The following CLSTN3 variants were observed in gnomAD, a reference collection of about 807,000 sequenced individuals.
CLSTN3 encodes calsyntenin 3.
Under a neutral mutation model 95.9 loss-of-function variants are expected in CLSTN3, and 36 were observed. That is an observed-to-expected ratio of 0.38 (90% CI 0.29 to 0.50). CLSTN3 has a LOEUF of 0.50. CLSTN3 is among the 20% of genes least tolerant of loss of function. The pLI is 0.95. For synonymous variants in CLSTN3, 481 were observed against 504.0 expected, an observed-to-expected ratio of 0.95 and a Z score of 0.61; for missense variants, 1,084 against 1,268.8, an observed-to-expected ratio of 0.85 and a Z score of 2.21.
chr12:7,156,442 T>C, intron 16 of CLSTN3: 1 of 456,958 alleles, frequency 2.2e-6, no homozygotes, highest in Non-Finnish European at 4.4e-6. Context: ...TTCAGGGGGT[T>C]GCCTGGTCTG....
At chr12:7,145,114 G>C (rs1397999421) in intron 12 of CLSTN3, among the ~76,000 whole-genome samples, 1 of 152,200 alleles carries the variant, frequency 6.6e-6, no homozygotes, top group Non-Finnish European at 1.5e-5. Context: ...GTTCCTGCGG[G>C]GGGAGGAGTT....
At chr12:7,156,658 C>T (rs1401821683) in intron 16 of CLSTN3, 2 of 456,852 alleles carry the variant, frequency 4.4e-6, no homozygotes, top group Non-Finnish European at 8.8e-6. Flanking sequence ...TCTTCCTGAG[C>T]ATGTACCTGT....
chr12:7,157,877 T>G lies in CLSTN3; in HGVS notation c.2731-64T>G, dbSNP rs746187316. On this transcript the variant is annotated intron_variant, in intron 17 of 17. Coordinates refer to ENST00000266546, the MANE Select transcript of CLSTN3 (RefSeq NM_014718.4). This position sits in a 1 kb window ranked among gnomAD's most constrained non-coding sequence, Gnocchi z 5.9. ...AGGGGACCGAGGGAAGTGTGGTCCC[T>G]GAAAGAGAGGCTGGGATGTGTGCAG... 2.0e-5 allele frequency: 31 copies of G among 1,540,976 alleles called. No individual in the cohort carries two copies. Among genetic ancestry groups the G allele is most frequent in the Non-Finnish European group, 2.6e-5 (30 of 1,144,974 alleles).
chr12:7,130,368 G>A, upstream of CLSTN3: 1 of 1,365,178 alleles, frequency 7.3e-7, no homozygotes, highest in Non-Finnish European at 9.5e-7. Flanking sequence ...CTGTGCTGAC[G>A]TCATCCTGCA....
chr12:7,137,977 G>T lies in CLSTN3; in HGVS notation c.1233G>T (p.Ser411=), dbSNP rs143159646. Residue 411 remains serine (S), a synonymous_variant, in exon 8 of 18, where the codon TCG becomes TCT. Coordinates refer to ENST00000266546, the MANE Select transcript of CLSTN3 (RefSeq NM_014718.4). The surrounding 1 kb of genome is among the most constrained non-coding windows in gnomAD (Gnocchi z 4.4). ...CAGAGGACGGCTTCTCTCACTACTC[G>T]CTGACTGTCCACGGCTGTAGGATTG... is the stretch of plus-strand genomic sequence containing the variant. ...VQNEDGFSHY[S]LTVHGCRIAF... is the part of the protein sequence containing the mutation. The T allele has an allele frequency of 6.2e-7, 1 of 1,613,452 alleles. No individual in the cohort carries two copies. The highest frequency in any genetic ancestry group is 1.3e-5 in the African/African-American group (1 of 74,780).
At position 7,133,737 on chromosome 12, in the gene CLSTN3, C is replaced by G; in HGVS notation, c.352C>G (p.Pro118Ala). 1 of 1,591,436 alleles carries G rather than the reference C, an allele frequency of 6.3e-7. No individual in the cohort carries two copies. Residue 118 changes from proline to alanine, a missense_variant, in exon 3 of 18, where the codon CCC becomes GCC. Pro to Ala is a conservative substitution (Grantham distance 27). Coordinates refer to ENST00000266546, the MANE Select transcript of CLSTN3 (RefSeq NM_014718.4). This position sits in a 1 kb window ranked among gnomAD's most constrained non-coding sequence, Gnocchi z 4.7. ...TIQAYDCGEG[P>A]DGANTKKSHK... is the part of the protein sequence containing the mutation. ...CCAGGCCTATGACTGTGGCGAGGGC[C>G]CCGACGGGGCCAACACCAAGAAGTC... is the stretch of plus-strand genomic sequence containing the variant.
In CLSTN3 at chr12:7,142,145, C is replaced by A; in HGVS notation, c.1540+6C>A. On this transcript the variant is annotated splice_donor_region_variant and intron_variant, in intron 10 of 17. Coordinates refer to ENST00000266546, the MANE Select transcript of CLSTN3 (RefSeq NM_014718.4). ...CAGTACAGACACCACCCAAGGTACT[C>A]CGTGTGTAAGAACTGGAGACCAGAG... 6.2e-7 allele frequency: 1 copy of A among 1,606,966 alleles called. No homozygotes were observed. Among genetic ancestry groups the A allele is most frequent in the Non-Finnish European group, 8.5e-7 (1 of 1,174,310 alleles).
rs755479765 is a variant in CLSTN3, at chr12:7,133,642, C to T, written c.257C>T (p.Thr86Ile). The change falls in exon 3 of 18, where the codon ACA becomes ATA. Residue 86 changes from threonine (T) to isoleucine (I), a missense_variant. Coordinates refer to ENST00000266546, the MANE Select transcript of CLSTN3 (RefSeq NM_014718.4). The surrounding 1 kb of genome is among the most constrained non-coding windows in gnomAD (Gnocchi z 4.7). ...PFEAVILDKA[T>I]GEGLIRAKEP... is the part of the protein sequence containing the mutation. ...GAGGCTGTGATCCTTGACAAGGCGA[C>T]AGGAGAGGGGCTGATCCGGGCCAAG... 5 of 1,613,996 alleles carry T rather than the reference C, an allele frequency of 3.1e-6. No homozygotes were observed. Among genetic ancestry groups the T allele is most frequent in the African/African-American group, 1.3e-5 (1 of 74,900 alleles).
At chr12:7,129,522 T>C, upstream of CLSTN3, 2 of 752,910 alleles carry the variant, frequency 2.7e-6, no homozygotes, top group Non-Finnish European at 3.2e-6. This position sits in a 1 kb window ranked among gnomAD's most constrained non-coding sequence, Gnocchi z 5.5. Flanking sequence ...TTGGCTATTC[T>C]GGAGAATTTT....
At position 7,150,881 on chromosome 12, in the gene CLSTN3, G is replaced by T; in HGVS notation, c.2392-47G>T. On this transcript the variant is annotated intron_variant, in intron 15 of 17. Coordinates refer to ENST00000266546, the MANE Select transcript of CLSTN3 (RefSeq NM_014718.4). This position sits in a 1 kb window ranked among gnomAD's most constrained non-coding sequence, Gnocchi z 4.0. ...GGGCTGGGGTCTAGAGAAGTGGGGAGGACCTGGGAGAAGCGTGTGTGCCCA... is the reference window on the plus strand; with the variant it reads ...GGGCTGGGGTCTAGAGAAGTGGGGATGACCTGGGAGAAGCGTGTGTGCCCA... 8.4e-6 allele frequency: 13 copies of T among 1,550,984 alleles called. No homozygotes were observed. The highest frequency in any genetic ancestry group is 1.1e-5 in the Non-Finnish European group (13 of 1,142,770).
rs1407358215 is a variant in CLSTN3 at position 7,142,877 on chromosome 12, T to C, written c.1549T>C (p.Leu517=). The change falls in exon 11 of 18, where the codon TTG becomes CTG. Residue 517 remains leucine (L), a synonymous_variant. Transcript: ENST00000266546. ...NSTDTTQGDP[L]SIHHYFHGYL... ...CTGTGTTCCTACCCTAGGAGACCCT[T>C]TGTCGATCCACCACTACTTCCATGG... 1.9e-6 allele frequency: 3 copies of C among 1,614,014 alleles called. No individual in the cohort carries two copies. The African/African-American group carries it at 4.0e-5, about 22-fold the overall frequency.
intron 1 of CLSTN3, 47 bp downstream of exon 1, chr12:7,130,759 C>A: frequency 7.1e-7 from 1 of 1,405,124 alleles, no homozygotes; most frequent in Non-Finnish European, 9.8e-7. Context: ...CGTCGGGCAG[C>A]GCCGTGCGGG....
In CLSTN3 at chr12:7,135,836, A is replaced by C. The variant is rs7302230; in HGVS notation, c.625A>C (p.Ser209Arg). The C allele has an allele frequency of 3.1e-6, 5 of 1,613,140 alleles. No individual in the cohort carries two copies. In the African/African-American group the frequency reaches 5.3e-5, roughly 17 times the overall value. ...TGAGAACACAGAGAAGCTGCAGTAC[A>C]GTGGTGAGAGGCTCTATAAGTTTAC... The part of the protein sequence containing the change: ...NIENTEKLQY[S>R]GERLYKFTVT... Residue 209 changes from serine to arginine, a missense_variant, in exon 5 of 18, where the codon AGT (serine) becomes CGT (arginine). Transcript: ENST00000266546.
Position 7,133,654 on chromosome 12 carries a change from T to C in CLSTN3, c.269T>C (p.Leu90Pro), listed in dbSNP as rs1213100096. 1 of 1,614,120 alleles carries C rather than the reference T, an allele frequency of 6.2e-7. No individual in the cohort carries two copies. Among genetic ancestry groups the C allele is most frequent in the Non-Finnish European group, 8.5e-7 (1 of 1,180,002 alleles). Residue 90 changes from leucine (L) to proline (P), a missense_variant, in exon 3 of 18, where the codon CTG becomes CCG. Physicochemically the swap from Leu to Pro is moderately conservative, Grantham distance 98. Transcript: ENST00000266546. This position sits in a 1 kb window ranked among gnomAD's most constrained non-coding sequence, Gnocchi z 4.7. ...VILDKATGEG[L>P]IRAKEPVDCE... is the part of the protein sequence containing the mutation. Reference sequence around the variant, plus strand: ...CTTGACAAGGCGACAGGAGAGGGGCTGATCCGGGCCAAGGAGCCTGTGGAC... The same window carrying C: ...CTTGACAAGGCGACAGGAGAGGGGCCGATCCGGGCCAAGGAGCCTGTGGAC...
chr12:7,157,884 G>A lies in CLSTN3; in HGVS notation c.2731-57G>A, dbSNP rs2135822473. On this transcript the variant is annotated intron_variant, in intron 17 of 17. Transcript: ENST00000266546. The surrounding 1 kb of genome is among the most constrained non-coding windows in gnomAD (Gnocchi z 5.9). ...CGAGGGAAGTGTGGTCCCTGAAAGA[G>A]AGGCTGGGATGTGTGCAGGCCATTG... The A allele has an allele frequency of 6.5e-7, 1 of 1,543,016 alleles. No homozygotes were observed. The highest frequency in any genetic ancestry group is 8.7e-7 in the Non-Finnish European group (1 of 1,145,624).
rs771087984 is a variant in CLSTN3, at chr12:7,149,164, G to A, written c.2040G>A (p.Val680=). The change falls in exon 13 of 18, where the codon GTG becomes GTA. Residue 680 remains valine, a synonymous_variant. Transcript: ENST00000266546. The surrounding 1 kb of genome is among the most constrained non-coding windows in gnomAD (Gnocchi z 4.5). ...LQITCSISHQ[V]EAKKDESWQG... The stretch of plus-strand genomic sequence containing the variant: ...TCACCTGCTCCATTTCTCACCAGGT[G>A]GAGGCCAAAAAGGATGAGAGTTGGC... 5.0e-6 allele frequency: 8 copies of A among 1,614,156 alleles called. No homozygotes were observed. The highest frequency in any genetic ancestry group is 6.8e-6 in the Non-Finnish European group (8 of 1,180,026).
Position 7,150,320 on chromosome 12 carries a change from A to G in CLSTN3, c.2246-224A>G, listed in dbSNP as rs1939701097. ...TTCTTTCCATTCCTCCTCAGAACCT[A>G]CAGAGCAGGAAATGGAGCCTTGATC... On this transcript the variant is annotated intron_variant, in intron 14 of 17. Coordinates refer to ENST00000266546, the MANE Select transcript of CLSTN3 (RefSeq NM_014718.4). The surrounding 1 kb of genome is among the most constrained non-coding windows in gnomAD (Gnocchi z 4.0). Among the ~76,000 whole-genome samples the G allele has an allele frequency of 6.6e-6, 1 of 152,080 alleles. No homozygotes were observed. Among genetic ancestry groups the G allele is most frequent in the Non-Finnish European group, 1.5e-5 (1 of 68,008 alleles).
intron 10 of CLSTN3, 75 bp from the exon 11 acceptor site, chr12:7,142,794 C>A: frequency 7.2e-7 from 1 of 1,383,168 alleles, no homozygotes; most frequent in South Asian, 1.2e-5. Context: ...TCTCCTTTCC[C>A]TTTCTCTCAG....
In CLSTN3 at chr12:7,136,897, T is replaced by C; in HGVS notation, c.997T>C (p.Ser333Pro). The C allele has an allele frequency of 6.2e-7, 1 of 1,614,116 alleles. No individual in the cohort carries two copies. Among genetic ancestry groups the C allele is most frequent in the Non-Finnish European group, 8.5e-7 (1 of 1,180,022 alleles). The stretch of plus-strand genomic sequence containing the variant: ...CAATGCCAACTGGACAGCAGGACTC[T>C]CGGTGCACTACAGCCAGGACAGCAG... ...GPNANWTAGL[S>P]VHYSQDSSLI... Residue 333 changes from serine to proline, a missense_variant, in exon 7 of 18, where the codon TCG becomes CCG. By Grantham distance (74) the Ser-to-Pro change is moderately conservative. Coordinates refer to ENST00000266546, the MANE Select transcript of CLSTN3 (RefSeq NM_014718.4).
Sources: gnomAD v4.1 joint callset for allele counts (sites outside exome capture counted in the v4.1 genomes callset) on GRCh38, gnomAD v4.1.1 for gene constraint, Gnocchi (gnomAD v3.1) non-coding constraint, MANE v1.5 for transcripts, NCBI Gene and HGNC (gene_info 2026-07-23, HGNC 2026-07-21) for gene names.